The following ARHGAP6 variants were observed in gnomAD, a reference collection of about 807,000 sequenced individuals.
ARHGAP6 encodes the protein Rho GTPase activating protein 6.
Under a neutral mutation model 55.7 loss-of-function variants are expected in ARHGAP6, and 16 were observed. The ratio of observed to expected loss-of-function variants is 0.29; its 90% CI spans 0.19 to 0.44. The LOEUF (loss-of-function observed/expected upper bound fraction) is 0.44, where lower values mean the gene tolerates loss of function less well. ARHGAP6 is among the 20% of genes least tolerant of loss of function. The pLI is 1.00. For synonymous variants in ARHGAP6, 382 were observed against 360.9 expected (o/e 1.06, Z -0.66); for missense variants, 698 against 808.9 (o/e 0.86, Z 1.66).
chrX:11,514,847 C>T (rs925749588), intron 1 of ARHGAP6, among the ~76,000 whole-genome samples: 23 of 105,438 alleles, frequency 2.2e-4, no homozygotes, highest in African/African-American at 7.8e-4. Context: ...TGCACACACA[C>T]ACACACACAC....
intron 1 of ARHGAP6, among the ~76,000 whole-genome samples, chrX:11,599,593 G>A (rs1376947865): frequency 1.8e-5 from 2 of 111,939 alleles, no homozygotes; most frequent in African/African-American, 3.2e-5. Flanking sequence ...CACAGAAGCC[G>A]AGAGAAGAAT....
At chrX:11,444,265 C>G (rs1302466836) in intron 1 of ARHGAP6, among the ~76,000 whole-genome samples, 1 of 112,226 alleles carries the variant, frequency 8.9e-6, no homozygotes, top group Admixed American at 9.4e-5. Context: ...TTTACCAAAA[C>G]AGTCAGCGGG....
intron 2 of ARHGAP6, among the ~76,000 whole-genome samples, chrX:11,237,264 C>T (rs1396034643): frequency 8.9e-6 from 1 of 112,486 alleles, no homozygotes; most frequent in Non-Finnish European, 1.9e-5. Flanking sequence ...GGGACAAAGA[C>T]CTCCTCTGGT....
At chrX:11,531,108 C>T (rs191535217) in intron 1 of ARHGAP6, among the ~76,000 whole-genome samples, 1 of 111,475 alleles carries the variant, frequency 9.0e-6, no homozygotes, top group African/African-American at 3.3e-5. Context: ...CTTTCACAAA[C>T]AATATTCATT....
intron 1 of ARHGAP6, among the ~76,000 whole-genome samples, chrX:11,649,051 A>G (rs763147769): frequency 1.8e-5 from 2 of 112,563 alleles, no homozygotes; most frequent in Admixed American, 1.9e-4. Context: ...AGATTAAAGA[A>G]GACCACAAAT....
intron 1 of ARHGAP6, among the ~76,000 whole-genome samples, chrX:11,416,791 C>G (rs2049753058): frequency 9.1e-6 from 1 of 109,402 alleles, no homozygotes; most frequent in South Asian, 4.0e-4. Flanking sequence ...TTGGAAAACC[C>G]TGACAAGGGC....
At chrX:11,544,856 A>T (rs1174852386) in intron 1 of ARHGAP6, among the ~76,000 whole-genome samples, 2 of 112,826 alleles carry the variant, frequency 1.8e-5, no homozygotes, top group African/African-American at 6.4e-5. Context: ...ACATAACGCA[A>T]GTCTTCTAAT....
At chrX:11,521,146 G>A (rs1181105823) in intron 1 of ARHGAP6, among the ~76,000 whole-genome samples, 8 of 112,064 alleles carry the variant, frequency 7.1e-5, no homozygotes, top group Non-Finnish European at 1.5e-4. Context: ...TTGCTGGGCA[G>A]AAGTTCTTTA....
intron 1 of ARHGAP6, among the ~76,000 whole-genome samples, chrX:11,651,510 T>G (rs1218189433): frequency 8.9e-6 from 1 of 112,365 alleles, no homozygotes; most frequent in African/African-American, 3.2e-5. Flanking sequence ...ATGGTGTGTA[T>G]GTACCACATT....
chrX:11,326,220 C>T (rs935930873), intron 1 of ARHGAP6, among the ~76,000 whole-genome samples: 11 of 108,456 alleles, frequency 1.0e-4, no homozygotes, highest in African/African-American at 3.7e-4. Flanking sequence ...CCTCCGCCTC[C>T]TGGGTTCAAC....
chrX:11,452,564 G>A (rs775804791), intron 1 of ARHGAP6, among the ~76,000 whole-genome samples: 2 of 112,465 alleles, frequency 1.8e-5, no homozygotes, highest in South Asian at 7.4e-4. Flanking sequence ...TCATACAAAA[G>A]TGAGAAATCT....
At chrX:11,228,405 G>T (rs1371392562) in intron 2 of ARHGAP6, among the ~76,000 whole-genome samples, 1 of 100,913 alleles carries the variant, frequency 9.9e-6, no homozygotes. Context: ...AGCATCCTTT[G>T]AATATTAAAA....
intron 2 of ARHGAP6, among the ~76,000 whole-genome samples, chrX:11,225,509 G>A (rs1440622955): frequency 9.0e-6 from 1 of 110,574 alleles, no homozygotes; most frequent in South Asian, 3.9e-4. Context: ...TTTAGCATAT[G>A]AGTGGTGAAC....
intron 1 of ARHGAP6, among the ~76,000 whole-genome samples, chrX:11,525,831 G>A (rs983238254): frequency 9.0e-6 from 1 of 110,589 alleles, no homozygotes; most frequent in Non-Finnish European, 1.9e-5. Flanking sequence ...ATTAATTTAC[G>A]TCAGGCTCTA....
chrX:11,651,547 T>C (rs1254695954), intron 1 of ARHGAP6, among the ~76,000 whole-genome samples: 3 of 111,962 alleles, frequency 2.7e-5, no homozygotes, highest in Non-Finnish European at 5.7e-5. Flanking sequence ...TCATTGACAG[T>C]CGTTTAGGTT....
At chrX:11,443,549 G>C (rs2050062877) in intron 1 of ARHGAP6, among the ~76,000 whole-genome samples, 1 of 112,050 alleles carries the variant, frequency 8.9e-6, no homozygotes, top group Admixed American at 9.4e-5. Context: ...CCATATTAAT[G>C]CAATGCTTGA....
intron 1 of ARHGAP6, among the ~76,000 whole-genome samples, chrX:11,555,582 G>A (rs141230521): frequency 1.5e-3 from 168 of 110,433 alleles, no homozygotes; most frequent in Non-Finnish European, 2.8e-3. Context: ...GTGAAACCCC[G>A]TTTCTACTAA....
At chrX:11,237,896 A>G (rs1475558858) in intron 2 of ARHGAP6, among the ~76,000 whole-genome samples, 1 of 111,975 alleles carries the variant, frequency 8.9e-6, no homozygotes, top group Non-Finnish European at 1.9e-5. Context: ...TTGGGGCCAG[A>G]TAACTTTTCA....
At chrX:11,158,542 T>C (rs1354549116) in intron 9 of ARHGAP6, among the ~76,000 whole-genome samples, 1 of 112,513 alleles carries the variant, frequency 8.9e-6, no homozygotes, top group Non-Finnish European at 1.9e-5. Flanking sequence ...GCTTTCAAAT[T>C]TGTCTGCTAT....
Sources: gnomAD v4.1 joint callset for allele counts (sites outside exome capture counted in the v4.1 genomes callset) on GRCh38, gnomAD v4.1.1 for gene constraint, MANE v1.5 for transcripts, NCBI Gene and HGNC (gene_info 2026-07-23, HGNC 2026-07-21) for gene names.